CNBD2: variants seen among roughly 807,000 people sequenced by gnomAD.
The protein encoded by CNBD2 is cyclic nucleotide-binding domain-containing protein 2.
Under a neutral mutation model 63.7 loss-of-function variants are expected in CNBD2, and 64 were observed. The ratio of observed to expected loss-of-function variants is 1.00; its 90% CI spans 0.82 to 1.24. The LOEUF is 1.24. Among genes scored for constraint, CNBD2 ranks in the 50% most tolerant of loss-of-function variants. CNBD2 has a pLI of 0.00. For missense variants in CNBD2, 691 were observed against 713.5 expected, an observed-to-expected ratio of 0.97 and a Z score of 0.36; for synonymous variants, 229 against 255.4, an observed-to-expected ratio of 0.90 and a Z score of 0.99.
chr20:35,957,217 T>C (rs1251724108), downstream of CNBD2, among the ~76,000 whole-genome samples: 1 of 152,118 alleles, frequency 6.6e-6, no homozygotes, highest in Non-Finnish European at 1.5e-5. Flanking sequence ...ATCCAGCCCT[T>C]TGTGGGCCGG....
intron 8 of CNBD2, among the ~76,000 whole-genome samples, chr20:36,001,855 C>T (rs1172562945): frequency 1.3e-5 from 2 of 150,596 alleles, no homozygotes; most frequent in African/African-American, 4.9e-5. Flanking sequence ...CGGGAAGAGG[C>T]GCTCCTCACT....
At chr20:35,994,574 T>TA (rs1222105164) in intron 7 of CNBD2, among the ~76,000 whole-genome samples, 15 of 147,268 alleles carry the variant, frequency 1.0e-4, no homozygotes, top group African/African-American at 3.9e-4. Flanking sequence ...ACATTTTCAT[T>TA]TAAAAAAAAA....
At chr20:36,015,819 C>G (rs548431172) in intron 10 of CNBD2, among the ~76,000 whole-genome samples, 42 of 152,256 alleles carry the variant, frequency 2.8e-4, no homozygotes, top group African/African-American at 9.6e-4. Flanking sequence ...AGACAAATCT[C>G]CCTGCAGAAT....
intron 10 of CNBD2, among the ~76,000 whole-genome samples, chr20:36,014,043 C>A (rs2057100659): frequency 6.6e-6 from 1 of 151,686 alleles, no homozygotes; most frequent in South Asian, 2.1e-4. Context: ...ATTAGCCGGG[C>A]GTGGTGGCAG....
At chr20:36,009,293 CCG>C (rs1379452429) in intron 9 of CNBD2, among the ~76,000 whole-genome samples, 1 of 151,880 alleles carries the variant, frequency 6.6e-6, no homozygotes, top group African/African-American at 2.4e-5. Context: ...GCTCCGCCTC[CCG>C]GGTTCACGCC....
intron 8 of CNBD2, among the ~76,000 whole-genome samples, chr20:36,001,311 C>A: frequency 6.7e-6 from 1 of 149,226 alleles, no homozygotes; most frequent in East Asian, 2.0e-4. Flanking sequence ...CCAGTAGGGG[C>A]GGCCGGGCAG....
chr20:36,009,791 C>G (rs1375402332), intron 9 of CNBD2, among the ~76,000 whole-genome samples: 1 of 152,096 alleles, frequency 6.6e-6, no homozygotes, highest in Non-Finnish European at 1.5e-5. Flanking sequence ...GAGATCACGC[C>G]ACTGTACTTC....
intron 8 of CNBD2, among the ~76,000 whole-genome samples, chr20:35,996,887 A>G (rs1315234955): frequency 6.6e-6 from 1 of 152,184 alleles, no homozygotes; most frequent in South Asian, 2.1e-4. Context: ...GTAGCAATGT[A>G]GGACTGTAGA....
intron 7 of CNBD2, among the ~76,000 whole-genome samples, chr20:35,992,836 C>T (rs2056765813): frequency 6.6e-6 from 1 of 150,986 alleles, no homozygotes; most frequent in African/African-American, 2.4e-5. Context: ...CCTGCCTGGC[C>T]AGCGTTTTTT....
intron 5 of CNBD2, 44 bp downstream of exon 5, chr20:35,984,182 G>A: frequency 1.3e-6 from 2 of 1,552,818 alleles, no homozygotes; most frequent in Non-Finnish European, 1.7e-6. Context: ...TGGAGTGGGT[G>A]GAGGTGACAG....
chr20:36,008,877 A>AG (rs1343547074), intron 9 of CNBD2, among the ~76,000 whole-genome samples: 3 of 151,930 alleles, frequency 2.0e-5, no homozygotes, highest in Non-Finnish European at 4.4e-5. Flanking sequence ...TGTGTTTGGA[A>AG]TTAAGCCTGG....
chr20:35,970,937 T>G (rs1001830802), intron 1 of CNBD2, among the ~76,000 whole-genome samples: 3 of 151,536 alleles, frequency 2.0e-5, no homozygotes, highest in African/African-American at 7.3e-5. Flanking sequence ...AGTTTTTGCA[T>G]TTTTTTCTTT....
At chr20:36,029,981 C>A (rs576884816) in intron 11 of CNBD2, among the ~76,000 whole-genome samples, 2 of 152,122 alleles carry the variant, frequency 1.3e-5, no homozygotes, top group African/African-American at 4.8e-5. Context: ...TCACGTAAAC[C>A]GAATCATGTA....
intron 2 of CNBD2, among the ~76,000 whole-genome samples, chr20:35,960,915 A>G (rs1456967996): frequency 8.5e-6 from 1 of 117,822 alleles, no homozygotes; most frequent in Non-Finnish European, 1.7e-5. Flanking sequence ...TTTTTCTTTC[A>G]TCTTGCTCTG....
chr20:36,013,200 C>T (rs1451806667), intron 10 of CNBD2, among the ~76,000 whole-genome samples: 2 of 152,096 alleles, frequency 1.3e-5, no homozygotes, highest in Admixed American at 6.6e-5. Context: ...AGGTGGATCA[C>T]GAGATCAGGA....
downstream of CNBD2, among the ~76,000 whole-genome samples, chr20:35,958,509 A>G (rs1408510103): frequency 2.0e-5 from 3 of 152,244 alleles, no homozygotes; most frequent in Admixed American, 6.5e-5. Flanking sequence ...GAGAGGTTTC[A>G]TGTACCCTTC....
chr20:35,994,595 A>G (rs576781348), intron 7 of CNBD2, among the ~76,000 whole-genome samples: 7 of 151,632 alleles, frequency 4.6e-5, no homozygotes, highest in Middle Eastern at 3.4e-3. Flanking sequence ...AAAAGAAAAA[A>G]AAAAAGCACC....
At chr20:35,971,918 C>T (rs2056424951) in intron 1 of CNBD2, among the ~76,000 whole-genome samples, 1 of 152,144 alleles carries the variant, frequency 6.6e-6, no homozygotes, top group Non-Finnish European at 1.5e-5. Context: ...TCTGTATTCA[C>T]TTGTTCTCAG....
intron 10 of CNBD2, among the ~76,000 whole-genome samples, chr20:36,014,812 T>C (rs2057113422): frequency 6.6e-6 from 1 of 151,906 alleles, no homozygotes; most frequent in Non-Finnish European, 1.5e-5. Flanking sequence ...TTTTTATTTT[T>C]CGTTAGAGAC....
Sources: gnomAD v4.1 joint callset for allele counts (sites outside exome capture counted in the v4.1 genomes callset) on GRCh38, gnomAD v4.1.1 for gene constraint, MANE v1.5 for transcripts, NCBI Gene and HGNC (gene_info 2026-07-23, HGNC 2026-07-21) for gene names.